SH3GL3: variants seen among roughly 807,000 people sequenced by gnomAD.
SH3GL3 encodes endophilin-A3.
In SH3GL3, 33 loss-of-function variants were observed where a neutral mutation model predicts 47.7. That is an observed-to-expected ratio of 0.69 (90% confidence interval 0.52 to 0.92). SH3GL3 has a LOEUF of 0.92. Among genes scored for constraint, SH3GL3 ranks in the 40% least tolerant of loss-of-function variants. The pLI is 0.00. For missense variants in SH3GL3, 363 were observed against 417.8 expected, an observed-to-expected ratio of 0.87 and a Z score of 1.14; for synonymous variants, 155 against 148.8, an observed-to-expected ratio of 1.04 and a Z score of -0.30.
Position 83,576,522 on chromosome 15 carries a change from A to AT in SH3GL3, c.466-55dup, listed in dbSNP as rs1371369783. The stretch of plus-strand genomic sequence containing the variant: ...AGCAATGACCATTTTAATAGAAATA[A>AT]TTTTTTGTGCCAGGTTTTGAATGTA... On this transcript the variant is annotated intron_variant, in intron 5 of 8. Coordinates refer to ENST00000427482, the MANE Select transcript of SH3GL3 (RefSeq NM_003027.5). 15 of 1,454,998 alleles carry AT rather than the reference A, an allele frequency of 1.0e-5. No individual in the cohort carries two copies. The Admixed American group carries it at 1.8e-4, about 17-fold the overall frequency. The allele number at this position is 1,454,998 out of a possible 1,614,324, so 90.1% of individuals were successfully genotyped here.
Position 83,447,710 on chromosome 15 carries a change from G to C in SH3GL3, c.45+132G>C. 1.7e-6 allele frequency: 1 copy of C among 596,624 alleles called. No homozygotes were observed. The highest frequency in any genetic ancestry group is 2.7e-6 in the Non-Finnish European group (1 of 373,030). 37.0% of individuals were successfully genotyped at this position (596,624 alleles called of 1,614,324 possible). A position where few individuals can be genotyped will look rare whatever the true frequency, so the allele number is the denominator to read the frequency against. On this transcript the variant is annotated intron_variant, in intron 1 of 8. Transcript: ENST00000427482. The surrounding 1 kb of genome is among the most constrained non-coding windows in gnomAD (Gnocchi z 5.1). The stretch of plus-strand genomic sequence containing the variant: ...GCTCAATTTCTTCCCGCCTAGGAGG[G>C]CGCGAGGGTGGGGTGAGGGGCCGCC...
At chr15:83,537,036 C>T (rs2043943808) in intron 1 of SH3GL3, among the ~76,000 whole-genome samples, 1 of 152,126 alleles carries the variant, frequency 6.6e-6, no homozygotes. Flanking sequence ...GTCTGTTTAC[C>T]TCACAGTCTT....
chr15:83,552,012 G>T (rs911110042), intron 1 of SH3GL3, among the ~76,000 whole-genome samples: 4 of 152,040 alleles, frequency 2.6e-5, no homozygotes, highest in Non-Finnish European at 4.4e-5. Flanking sequence ...AACTTTCTTG[G>T]CACCTTCTCA....
In SH3GL3 at chr15:83,467,964, A is replaced by G. The variant is rs188211000; in HGVS notation, c.45+20386A>G. On this transcript the variant is annotated intron_variant, in intron 1 of 8. Transcript: ENST00000427482. Reference sequence around the variant, plus strand: ...TGCCTCAGCCTCCCGAGTAGCTGGGACTACAGGTGCCCGCCACCACGCCCA... The same window carrying G: ...TGCCTCAGCCTCCCGAGTAGCTGGGGCTACAGGTGCCCGCCACCACGCCCA... 5.8e-4 allele frequency among the ~76,000 whole-genome samples: 89 copies of G among 152,208 alleles called. No homozygotes were observed. The East Asian group carries it at 0.014, about 23-fold the overall frequency.
chr15:83,582,612 T>C (rs1300109196), intron 6 of SH3GL3, among the ~76,000 whole-genome samples: 1 of 152,220 alleles, frequency 6.6e-6, no homozygotes, highest in East Asian at 1.9e-4. Context: ...TTACCAAACT[T>C]ATTTGACCGC....
chr15:83,631,265 G>A, the SH3GL3 span, among the ~76,000 whole-genome samples: 2 of 152,180 alleles, frequency 1.3e-5, no homozygotes, highest in Non-Finnish European at 2.9e-5. Context: ...TTTCACAGTT[G>A]GCATTGAGTG....
intron 1 of SH3GL3, among the ~76,000 whole-genome samples, chr15:83,486,444 C>T (rs1006228299): frequency 2.0e-5 from 3 of 152,080 alleles, no homozygotes; most frequent in Admixed American, 2.0e-4. Flanking sequence ...TATCCTCTGC[C>T]TCTGTGGATT....
At chr15:83,534,489 G>C (rs1398095524) in intron 1 of SH3GL3, among the ~76,000 whole-genome samples, 1 of 152,112 alleles carries the variant, frequency 6.6e-6, no homozygotes, top group East Asian at 1.9e-4. Context: ...AAAGTTCACA[G>C]ATCCATTGAC....
chr15:83,449,800 T>C (rs1424697837), intron 1 of SH3GL3, among the ~76,000 whole-genome samples: 2 of 151,712 alleles, frequency 1.3e-5, no homozygotes, highest in Non-Finnish European at 2.9e-5. Flanking sequence ...CTGGGCTTCA[T>C]AGCCATGTTT....
chr15:83,497,313 G>A (rs759486459), intron 1 of SH3GL3, among the ~76,000 whole-genome samples: 22 of 151,956 alleles, frequency 1.4e-4, no homozygotes, highest in Non-Finnish European at 3.1e-4. Context: ...GTTATCTACC[G>A]GGACATCTAG....
rs796429281 is a variant in SH3GL3 at position 83,459,212 on chromosome 15, C to T, written c.45+11634C>T. 6.4e-4 allele frequency among the ~76,000 whole-genome samples: 97 copies of T among 152,370 alleles called. 1 individual carries two copies. The highest frequency in any genetic ancestry group is 2.3e-3 in the African/African-American group (94 of 41,590). ...TTCTGCCTGGTTTATTCTAGCTGCGCTGTCGGCTGATTAGATGGTGTCCAC... is the reference window on the plus strand; with the variant it reads ...TTCTGCCTGGTTTATTCTAGCTGCGTTGTCGGCTGATTAGATGGTGTCCAC... On this transcript the variant is annotated intron_variant, in intron 1 of 8. Transcript: ENST00000427482.
the SH3GL3 span, among the ~76,000 whole-genome samples, chr15:83,630,611 A>G: frequency 6.6e-6 from 1 of 152,104 alleles, no homozygotes; most frequent in Non-Finnish European, 1.5e-5. Flanking sequence ...AAGAACTATG[A>G]GCAAAGCAGG....
rs1301856218 is a variant in SH3GL3, at chr15:83,588,659, C to T, written c.729-3C>T. 1.3e-6 allele frequency: 2 copies of T among 1,572,198 alleles called. No homozygotes were observed. Among genetic ancestry groups the T allele is most frequent in the Non-Finnish European group, 1.8e-6 (2 of 1,141,892 alleles). On this transcript the variant is annotated splice_polypyrimidine_tract_variant and splice_region_variant and intron_variant, in intron 7 of 8. Coordinates refer to ENST00000427482, the MANE Select transcript of SH3GL3 (RefSeq NM_003027.5). ...CTGGCTCATCTTACGATGTGTGTTA[C>T]AGAATATCAGCTGCATCCAGTGTCC...
At chr15:83,477,813 A>G (rs1007391897) in intron 1 of SH3GL3, among the ~76,000 whole-genome samples, 2 of 152,152 alleles carry the variant, frequency 1.3e-5, no homozygotes, top group Non-Finnish European at 2.9e-5. Flanking sequence ...TAATTGAAAA[A>G]TTCTTTGGAG....
rs1020313072 is a variant in SH3GL3 at position 83,490,871 on chromosome 15, C to G, written c.45+43293C>G. 9 of 1,613,970 alleles carry G rather than the reference C, an allele frequency of 5.6e-6. No individual in the cohort carries two copies. The Admixed American group carries it at 8.3e-5, about 15-fold the overall frequency. On this transcript the variant is annotated intron_variant, in intron 1 of 8. Coordinates refer to ENST00000427482, the MANE Select transcript of SH3GL3 (RefSeq NM_003027.5). Reference sequence around the variant, plus strand: ...TTTGCTGGGATAATATGCAATCAAGCTAATAGGTGCCTTACCTGGACCTCC... The same window carrying G: ...TTTGCTGGGATAATATGCAATCAAGGTAATAGGTGCCTTACCTGGACCTCC...
At chr15:83,529,619 G>A (rs967896785) in intron 1 of SH3GL3, among the ~76,000 whole-genome samples, 19 of 151,604 alleles carry the variant, frequency 1.3e-4, no homozygotes, top group East Asian at 5.8e-4. Flanking sequence ...TGGTATGCAC[G>A]AGTGCAGGCT....
At chr15:83,537,592 C>A (rs1381354173) in intron 1 of SH3GL3, among the ~76,000 whole-genome samples, 2 of 151,422 alleles carry the variant, frequency 1.3e-5, no homozygotes, top group South Asian at 4.2e-4. Flanking sequence ...GGTGGAGGGG[C>A]TCTGTTGATC....
At chr15:83,593,079 A>G (rs1055116678) in intron 8 of SH3GL3, among the ~76,000 whole-genome samples, 3 of 152,202 alleles carry the variant, frequency 2.0e-5, no homozygotes, top group East Asian at 1.9e-4. Flanking sequence ...TTCTTGTACA[A>G]TTGTTGTCTT....
intron 7 of SH3GL3, 107 bp from the exon 8 acceptor site, chr15:83,588,555 A>G (rs1449327720): frequency 5.6e-6 from 4 of 709,430 alleles, no homozygotes; most frequent in African/African-American, 1.7e-5. Flanking sequence ...CCCTTTCATG[A>G]CCACTGGCTG....
Sources: allele counts gnomAD v4.1 joint callset (sites outside exome capture counted in the v4.1 genomes callset), GRCh38; gene constraint gnomAD v4.1.1; non-coding constraint Gnocchi (gnomAD v3.1); transcripts MANE v1.5; gene names NCBI Gene and HGNC (gene_info 2026-07-23, HGNC 2026-07-21).